The following C1orf21 variants were observed in gnomAD, a reference collection of about 807,000 sequenced individuals.
C1orf21 encodes uncharacterized protein C1orf21.
A neutral mutation model predicts 18.7 loss-of-function variants in C1orf21; 3 were observed. The observed-to-expected ratio is 0.16, with a 90% CI of 0.07 to 0.42. The LOEUF (loss-of-function observed/expected upper bound fraction) is 0.42, where lower values mean the gene tolerates loss of function less well. Ranked by LOEUF, C1orf21 falls within the 10% of genes least tolerant of loss-of-function variation. C1orf21 has a pLI of 0.99. For missense variants in C1orf21, 104 were observed against 143.6 expected, an observed-to-expected ratio of 0.72 and a Z score of 1.41; for synonymous variants, 41 against 46.4, an observed-to-expected ratio of 0.88 and a Z score of 0.47.
intron 5 of C1orf21, among the ~76,000 whole-genome samples, chr1:184,610,042 C>G (rs1156686623): frequency 6.6e-6 from 1 of 152,232 alleles, no homozygotes; most frequent in South Asian, 2.1e-4. Flanking sequence ...AACCCTTGAA[C>G]AGTGTTAGCC....
At chr1:184,545,151 C>T (rs374088548) in intron 3 of C1orf21, among the ~76,000 whole-genome samples, 2 of 152,208 alleles carry the variant, frequency 1.3e-5, no homozygotes, top group East Asian at 3.9e-4. Context: ...TCCTTGCAGG[C>T]CATCTTGGAG....
intron 3 of C1orf21, among the ~76,000 whole-genome samples, chr1:184,586,820 C>G (rs1343995548): frequency 6.6e-6 from 1 of 152,128 alleles, no homozygotes; most frequent in Non-Finnish European, 1.5e-5. Context: ...GCTCTTGTTG[C>G]AGTTGTTTTT....
At chr1:184,475,019 A>G (rs1657548808) in intron 1 of C1orf21, among the ~76,000 whole-genome samples, 1 of 152,200 alleles carries the variant, frequency 6.6e-6, no homozygotes, top group African/African-American at 2.4e-5. Context: ...AAGTAGCAAC[A>G]GCATTGGCTG....
At chr1:184,603,039 A>T (rs1051501702) in intron 5 of C1orf21, among the ~76,000 whole-genome samples, 1 of 152,226 alleles carries the variant, frequency 6.6e-6, no homozygotes, top group Non-Finnish European at 1.5e-5. Flanking sequence ...TCCCTATGAA[A>T]ATGCACAAAT....
At chr1:184,542,958 A>G (rs1266056437) in intron 3 of C1orf21, among the ~76,000 whole-genome samples, 4 of 152,178 alleles carry the variant, frequency 2.6e-5, no homozygotes, top group Non-Finnish European at 5.9e-5. Flanking sequence ...TTATTGGGAA[A>G]CAGTGCTTTG....
intron 3 of C1orf21, among the ~76,000 whole-genome samples, chr1:184,568,115 G>A (rs1659059072): frequency 6.6e-6 from 1 of 152,176 alleles, no homozygotes; most frequent in African/African-American, 2.4e-5. Flanking sequence ...CCTAAAGTTT[G>A]AAGTGATACC....
intron 1 of C1orf21, among the ~76,000 whole-genome samples, chr1:184,434,081 G>C (rs1273894259): frequency 6.6e-6 from 1 of 152,098 alleles, no homozygotes; most frequent in African/African-American, 2.4e-5. Flanking sequence ...TTATTTTCCA[G>C]ACTCTGGACC....
chr1:184,473,485 G>A (rs1227592983), intron 1 of C1orf21, among the ~76,000 whole-genome samples: 1 of 152,136 alleles, frequency 6.6e-6, no homozygotes, highest in African/African-American at 2.4e-5. Context: ...AAATGCTGGA[G>A]TTTACGTGAA....
chr1:184,510,578 A>G (rs572117916), intron 3 of C1orf21, among the ~76,000 whole-genome samples: 109 of 152,302 alleles, frequency 7.2e-4, no homozygotes, highest in Admixed American at 1.6e-3. Context: ...AAGCAGAAGT[A>G]ACAGGTGGAA....
At chr1:184,434,207 A>C (rs1020993219) in intron 1 of C1orf21, among the ~76,000 whole-genome samples, 4 of 152,116 alleles carry the variant, frequency 2.6e-5, no homozygotes, top group African/African-American at 9.7e-5. Context: ...TTGAATAAAC[A>C]CTGGGGTAAA....
chr1:184,414,417 T>G (rs1656414136), intron 1 of C1orf21, among the ~76,000 whole-genome samples: 1 of 152,208 alleles, frequency 6.6e-6, no homozygotes, highest in Non-Finnish European at 1.5e-5. Context: ...TGTAAGTCAC[T>G]ATGCTCGGCC....
intron 1 of C1orf21, among the ~76,000 whole-genome samples, chr1:184,468,586 C>G (rs949800067): frequency 2.6e-5 from 4 of 152,100 alleles, no homozygotes; most frequent in African/African-American, 9.7e-5. Flanking sequence ...AATATCAAAT[C>G]AGGTACTCAA....
intron 3 of C1orf21, among the ~76,000 whole-genome samples, chr1:184,524,804 C>A (rs888222360): frequency 6.6e-6 from 1 of 152,054 alleles, no homozygotes; most frequent in African/African-American, 2.4e-5. Context: ...CTAGGAACAT[C>A]AAAATGTATA....
chr1:184,521,252 C>T (rs1474608041), intron 3 of C1orf21, among the ~76,000 whole-genome samples: 1 of 152,034 alleles, frequency 6.6e-6, no homozygotes, highest in Non-Finnish European at 1.5e-5. Context: ...ATAATCTTAC[C>T]ATATGTCTAG....
intron 2 of C1orf21, among the ~76,000 whole-genome samples, chr1:184,486,058 C>T (rs1304226251): frequency 6.6e-6 from 1 of 152,180 alleles, no homozygotes; most frequent in African/African-American, 2.4e-5. Context: ...TCAGAAAGGT[C>T]TTAATGGCTC....
rs1659973226 is a variant in C1orf21 at position 184,624,410 on chromosome 1, G to C, written c.*4854G>C. On this transcript the variant is annotated 3_prime_UTR_variant, in exon 6 of 6. Coordinates refer to ENST00000235307, the MANE Select transcript of C1orf21 (RefSeq NM_030806.4). ...TTCTAGCATCTGGAAAAGGAACCTG[G>C]TATTTCTGCAGTTAGATACCAGATG... 6.6e-6 allele frequency: 1 copy of C among 152,326 alleles called. No homozygotes were observed. Among genetic ancestry groups the C allele is most frequent in the Admixed American group, 6.6e-5 (1 of 15,258 alleles). 9.4% of individuals were successfully genotyped at this position (152,326 alleles called of 1,614,324 possible).
At position 184,624,772 on chromosome 1, in the gene C1orf21, A is replaced by G. The variant is rs532245313; in HGVS notation, c.*5216A>G. On this transcript the variant is annotated 3_prime_UTR_variant, in exon 6 of 6. Transcript: ENST00000235307. ...AATGACTTGGATAGACATTTAAATA[A>G]CTTGTTCCAAGGTCGGAAGAGCCCA... 3 of 152,324 alleles carry G rather than the reference A, an allele frequency of 2.0e-5. No individual in the cohort carries two copies. The highest frequency in any genetic ancestry group is 2.0e-4 in the Admixed American group (3 of 15,302). 9.4% of individuals were successfully genotyped at this position (152,324 alleles called of 1,614,324 possible).
intron 5 of C1orf21, among the ~76,000 whole-genome samples, chr1:184,611,835 A>G (rs896142407): frequency 2.6e-5 from 4 of 152,134 alleles, no homozygotes; most frequent in Admixed American, 6.5e-5. Context: ...CTCAGGATAT[A>G]ATAGACTTGG....
intron 1 of C1orf21, among the ~76,000 whole-genome samples, chr1:184,439,030 G>T (rs1481833331): frequency 6.6e-6 from 1 of 152,122 alleles, no homozygotes; most frequent in Non-Finnish European, 1.5e-5. Flanking sequence ...GGCCAACGCG[G>T]TGAAAACCCA....
Sources: gnomAD v4.1 joint callset for allele counts (sites outside exome capture counted in the v4.1 genomes callset) on GRCh38, gnomAD v4.1.1 for gene constraint, MANE v1.5 for transcripts, NCBI Gene and HGNC (gene_info 2026-07-23, HGNC 2026-07-21) for gene names.